GALNT9: variants seen among roughly 807,000 people sequenced by gnomAD.
The protein encoded by GALNT9 is polypeptide N-acetylgalactosaminyltransferase 9.
Under a neutral mutation model 63.1 loss-of-function variants are expected in GALNT9, and 47 were observed. That is an observed-to-expected ratio of 0.75 (90% CI 0.59 to 0.95). The LOEUF is 0.95. GALNT9 is among the 40% of genes least tolerant of loss of function. The probability of loss-of-function intolerance (pLI) is 0.00; values close to 1 mark genes in which losing one functional copy is unlikely to be tolerated. For missense variants in GALNT9, 829 were observed against 874.8 expected, an observed-to-expected ratio of 0.95 and a Z score of 0.66; for synonymous variants, 396 against 365.7, an observed-to-expected ratio of 1.08 and a Z score of -0.94.
intron 5 of GALNT9, among the ~76,000 whole-genome samples, chr12:132,250,909 C>T (rs112312883): frequency 0.043 from 6,603 of 152,296 alleles, 180 homozygotes; most frequent in Non-Finnish European, 0.071. Flanking sequence ...GTGGACCTGT[C>T]GCCTGCACAC....
At chr12:132,306,185 C>T (rs987479899) in intron 1 of GALNT9, among the ~76,000 whole-genome samples, 1 of 152,250 alleles carries the variant, frequency 6.6e-6, no homozygotes, top group Non-Finnish European at 1.5e-5. Context: ...GCGTTGGAAG[C>T]GGCTGTCCGC....
At chr12:132,256,589 G>C (rs1879122638) in intron 5 of GALNT9, among the ~76,000 whole-genome samples, 2 of 124,890 alleles carry the variant, frequency 1.6e-5, no homozygotes, top group Non-Finnish European at 3.5e-5. Flanking sequence ...GGAGGGGACA[G>C]TGGAGGGGGA....
At chr12:132,267,987 A>G (rs1879707965) in intron 2 of GALNT9, among the ~76,000 whole-genome samples, 1 of 150,008 alleles carries the variant, frequency 6.7e-6, no homozygotes, top group South Asian at 2.1e-4. Flanking sequence ...ACATGAACTC[A>G]CACACATGCA....
At position 132,245,325 on chromosome 12, in the gene GALNT9, C is replaced by T. The variant is rs1234165938; in HGVS notation, c.1077+2585G>A. Among the ~76,000 whole-genome samples, 1 of 152,100 alleles carries T rather than the reference C, an allele frequency of 6.6e-6. No homozygotes were observed. The highest frequency in any genetic ancestry group is 1.5e-5 in the Non-Finnish European group (1 of 68,006). On this transcript the variant is annotated intron_variant, in intron 6 of 10. Coordinates refer to ENST00000328957, the MANE Select transcript of GALNT9 (RefSeq NM_001122636.2). This position sits in a 1 kb window ranked among gnomAD's most constrained non-coding sequence, Gnocchi z 6.3. ...GGCATGGTGGCATGTGCCTGTGGTG[C>T]CACCTACTTGGGAGGCTGAAGCAGG...
intron 6 of GALNT9, among the ~76,000 whole-genome samples, chr12:132,218,268 A>C (rs761467298): frequency 6.6e-5 from 10 of 152,212 alleles, no homozygotes; most frequent in African/African-American, 9.7e-5. Context: ...CTGTGTTCCC[A>C]GCCCAGGCCT....
At position 132,279,808 on chromosome 12, in the gene GALNT9, T is replaced by C. The variant is rs188718833; in HGVS notation, c.419+6442A>G. The C allele has an allele frequency of 3.3e-5, 5 of 150,922 alleles. No homozygotes were observed. The East Asian group carries it at 9.8e-4, about 30-fold the overall frequency. The allele number at this position is 150,922 out of a possible 1,614,324, so 9.3% of individuals were successfully genotyped here. A position where few individuals can be genotyped will look rare whatever the true frequency, so the allele number is the denominator to read the frequency against. ...GCCGGGTCTCCTGGATTCACCGTGGTCACTGCCTGGATGCCCAGTGTCCAC... is the reference window on the plus strand; with the variant it reads ...GCCGGGTCTCCTGGATTCACCGTGGCCACTGCCTGGATGCCCAGTGTCCAC... On this transcript the variant is annotated intron_variant, in intron 2 of 10. Coordinates refer to ENST00000328957, the MANE Select transcript of GALNT9 (RefSeq NM_001122636.2). The surrounding 1 kb of genome is among the most constrained non-coding windows in gnomAD (Gnocchi z 4.1).
intron 1 of GALNT9, among the ~76,000 whole-genome samples, chr12:132,318,003 G>A (rs1868601564): frequency 6.6e-6 from 1 of 152,230 alleles, no homozygotes; most frequent in South Asian, 2.1e-4. Context: ...CACTTTGAGA[G>A]GCTGAGGAAG....
At chr12:132,305,449 ACACAGCCTGACCTGGG>A (rs1253966389) in intron 1 of GALNT9, among the ~76,000 whole-genome samples, 35 of 53,970 alleles carry the variant, frequency 6.5e-4, no homozygotes, top group African/African-American at 2.6e-3. Context: ...AATCGCCCAG[ACACAGCCTGACCTGGG>A]CACACCCTCA....
At chr12:132,314,993 G>T (rs975188170) in intron 1 of GALNT9, among the ~76,000 whole-genome samples, 4 of 152,194 alleles carry the variant, frequency 2.6e-5, no homozygotes, top group Admixed American at 2.6e-4. Flanking sequence ...AGCTTTGCAG[G>T]CTCCCCTTGT....
rs1869191079 is a variant in GALNT9, at chr12:132,329,238, C to A, written c.-35G>T. 1.3e-6 allele frequency: 2 copies of A among 1,523,142 alleles called. No homozygotes were observed. The highest frequency in any genetic ancestry group is 1.8e-6 in the Non-Finnish European group (2 of 1,129,584). 94.4% of individuals were successfully genotyped at this position (1,523,142 alleles called of 1,614,324 possible). On this transcript the variant is annotated 5_prime_UTR_variant, in exon 1 of 11. An upstream start codon of the reference 5' UTR is lost. Coordinates refer to ENST00000328957, the MANE Select transcript of GALNT9 (RefSeq NM_001122636.2). The stretch of plus-strand genomic sequence containing the variant: ...TGCAGCGGGGGCCTCACCCGCGGGG[C>A]ATCCCCAGCATCCCCGCCCGGGCCT...
chr12:132,308,653 C>T (rs963969604), intron 1 of GALNT9, among the ~76,000 whole-genome samples: 36 of 152,296 alleles, frequency 2.4e-4, no homozygotes, highest in African/African-American at 8.7e-4. Flanking sequence ...GAGAGGGGCC[C>T]GGGACCCACC....
chr12:132,276,561 AG>A (rs528239257), intron 2 of GALNT9: 9 of 154,824 alleles, frequency 5.8e-5, no homozygotes, highest in African/African-American at 1.9e-4. Context: ...GCTGACAGCC[AG>A]GCTGCTCAGG....
chr12:132,290,935 T>A (rs1304765742), intron 1 of GALNT9, among the ~76,000 whole-genome samples: 1 of 36,986 alleles, frequency 2.7e-5, no homozygotes, highest in Non-Finnish European at 4.5e-5. Flanking sequence ...AGCACCCACG[T>A]CCACACCACC....
chr12:132,254,437 C>A (rs559229907), intron 5 of GALNT9, among the ~76,000 whole-genome samples: 3 of 152,296 alleles, frequency 2.0e-5, no homozygotes, highest in African/African-American at 7.2e-5. Flanking sequence ...TTATTTTTTT[C>A]TCTCGCCTAT....
intron 2 of GALNT9, among the ~76,000 whole-genome samples, chr12:132,266,094 TC>T (rs1555240172): frequency 6.8e-6 from 1 of 147,472 alleles, no homozygotes; most frequent in Non-Finnish European, 1.5e-5. Context: ...ACGCCCGATC[TC>T]GCCGTATTTC....
At chr12:132,308,779 A>G (rs549537103) in intron 1 of GALNT9, among the ~76,000 whole-genome samples, 20 of 152,284 alleles carry the variant, frequency 1.3e-4, no homozygotes, top group African/African-American at 4.6e-4. Flanking sequence ...TACCAGGCTG[A>G]GACTCCTGGG....
chr12:132,221,083 C>T (rs144295658), intron 6 of GALNT9, among the ~76,000 whole-genome samples: 2,808 of 127,878 alleles, frequency 0.022, 139 homozygotes, highest in African/African-American at 0.082. Context: ...GGTCTGGGCG[C>T]GATGGCTCTT....
intron 5 of GALNT9, among the ~76,000 whole-genome samples, chr12:132,253,021 C>T (rs1878985105): frequency 6.6e-6 from 1 of 152,142 alleles, no homozygotes; most frequent in Non-Finnish European, 1.5e-5. Flanking sequence ...GTCACATGAT[C>T]ACAGGACAGG....
intron 2 of GALNT9, among the ~76,000 whole-genome samples, chr12:132,284,836 C>T (rs1198578230): frequency 6.6e-6 from 1 of 152,234 alleles, no homozygotes. Flanking sequence ...ACAGGGAGCT[C>T]CGGGTTCCTG....
Sources: gnomAD v4.1 joint callset for allele counts (sites outside exome capture counted in the v4.1 genomes callset) on GRCh38, gnomAD v4.1.1 for gene constraint, Gnocchi (gnomAD v3.1) non-coding constraint, MANE v1.5 for transcripts, NCBI Gene and HGNC (gene_info 2026-07-23, HGNC 2026-07-21) for gene names.